Variants in DOCK9 observed in about 807,000 individuals in gnomAD.
DOCK9 encodes the protein dedicator of cytokinesis 9.
DOCK9 carries 89 observed loss-of-function variants against 263.3 expected under a neutral mutation model. The ratio of observed to expected loss-of-function variants is 0.34; its 90% CI spans 0.28 to 0.40. The LOEUF is 0.40. Ranked by LOEUF, DOCK9 falls within the 10% of genes least tolerant of loss-of-function variation. DOCK9 has a pLI of 1.00. For synonymous variants in DOCK9, 976 were observed against 973.1 expected, an observed-to-expected ratio of 1.00 and a Z score of -0.06; for missense variants, 2,140 against 2,603.4, an observed-to-expected ratio of 0.82 and a Z score of 3.87.
At chr13:98,903,357 G>A (rs1464266166) in intron 10 of DOCK9, among the ~76,000 whole-genome samples, 1 of 152,110 alleles carries the variant, frequency 6.6e-6, no homozygotes, top group Non-Finnish European at 1.5e-5. Flanking sequence ...ACTTTGGGAG[G>A]CCGAGGCTGG....
chr13:98,973,334 T>A (rs1360525366), intron 1 of DOCK9, among the ~76,000 whole-genome samples: 1 of 152,144 alleles, frequency 6.6e-6, no homozygotes, highest in Admixed American at 6.5e-5. Flanking sequence ...AAACAGAACT[T>A]CAGGGATAGG....
intron 1 of DOCK9, among the ~76,000 whole-genome samples, chr13:99,046,331 C>T (rs1282491360): frequency 6.6e-6 from 1 of 152,190 alleles, no homozygotes; most frequent in African/African-American, 2.4e-5. Flanking sequence ...GTAGGAGGAT[C>T]CTTAACTCCA....
intron 45 of DOCK9, among the ~76,000 whole-genome samples, chr13:98,811,304 A>AT (rs1196906992): frequency 6.6e-6 from 1 of 151,796 alleles, no homozygotes; most frequent in African/African-American, 2.4e-5. Context: ...TCTTTTGCTC[A>AT]TTTTTCTACT....
intron 45 of DOCK9, among the ~76,000 whole-genome samples, chr13:98,822,336 AAT>A (rs1436041109): frequency 6.6e-6 from 1 of 152,212 alleles, no homozygotes; most frequent in African/African-American, 2.4e-5. Flanking sequence ...GCTCTAACAT[AAT>A]AACTATCTCA....
intron 21 of DOCK9, among the ~76,000 whole-genome samples, chr13:98,884,128 G>T (rs1265182370): frequency 6.6e-6 from 1 of 152,156 alleles, no homozygotes; most frequent in Non-Finnish European, 1.5e-5. Flanking sequence ...TATCTTTTCT[G>T]TTTCTTTGCA....
chr13:98,888,626 A>G lies in DOCK9; in HGVS notation c.1789+6T>C. ...ATTCTGTCTATTATGTAGAACTGAC[A>G]CTTACTAGGGAAGTCTGAGGAAACA... On this transcript the variant is annotated splice_donor_region_variant and intron_variant, in intron 16 of 52. Coordinates refer to ENST00000682017, the MANE Select transcript of DOCK9 (RefSeq NM_001366683.2). 1 of 1,613,648 alleles carries G rather than the reference A, an allele frequency of 6.2e-7. No individual in the cohort carries two copies. The highest frequency in any genetic ancestry group is 1.7e-4 in the Middle Eastern group (1 of 6,060).
In DOCK9 at chr13:99,083,270, G is replaced by T. The variant is rs79910427; in HGVS notation, c.129+2953C>A. Among the ~76,000 whole-genome samples, 202 of 150,714 alleles carry T rather than the reference G, an allele frequency of 1.3e-3. 1 individual carries two copies. Among genetic ancestry groups the T allele is most frequent in the African/African-American group, 4.7e-3 (192 of 41,082 alleles). The stretch of plus-strand genomic sequence containing the variant: ...ACTCCATCTCAGAAAAAAAAAAAAA[G>T]AATTCTAAGGCTCATGAAAGAGCTA... On this transcript the variant is annotated intron_variant, in intron 1 of 32. Coordinates refer to the DOCK9 transcript ENST00000427887.
intron 43 of DOCK9, among the ~76,000 whole-genome samples, chr13:98,828,337 C>CT (rs774539224): frequency 6.6e-6 from 1 of 152,032 alleles, no homozygotes. Flanking sequence ...TTCTTCCTTT[C>CT]TTTTTTTGAG....
intron 1 of DOCK9, among the ~76,000 whole-genome samples, chr13:99,002,768 T>C (rs1882611129): frequency 2.0e-5 from 3 of 152,138 alleles, no homozygotes; most frequent in African/African-American, 7.2e-5. Flanking sequence ...CAGGACTCTG[T>C]GGTATGGAGG....
intron 1 of DOCK9, among the ~76,000 whole-genome samples, chr13:99,075,617 A>G (rs969754084): frequency 7.2e-5 from 11 of 151,770 alleles, no homozygotes; most frequent in African/African-American, 1.9e-4. Flanking sequence ...GCCCCACCTC[A>G]GCCTCCCAAA....
At chr13:98,954,863 T>TACACAC (rs71719426) in intron 2 of DOCK9, among the ~76,000 whole-genome samples, 2,734 of 146,514 alleles carry the variant, frequency 0.019, 31 homozygotes, top group South Asian at 0.022. Context: ...TTATTCAAGA[T>TACACAC]ACACACACAC....
At chr13:99,065,573 G>A (rs925190925) in intron 1 of DOCK9, among the ~76,000 whole-genome samples, 4 of 152,130 alleles carry the variant, frequency 2.6e-5, no homozygotes, top group African/African-American at 9.7e-5. Context: ...TGTTTCCCAA[G>A]TACACGCCAT....
At chr13:98,978,230 C>T (rs1944923501), upstream of DOCK9, 1 of 686,874 alleles carries the variant, frequency 1.5e-6, no homozygotes, top group African/African-American at 1.8e-5. Flanking sequence ...GTCTGTTCCA[C>T]ACAGCGTGGG....
At position 98,825,766 on chromosome 13, in the gene DOCK9, G is replaced by A. The variant is rs921524278; in HGVS notation, c.5023+1064C>T. 4.3e-6 allele frequency: 3 copies of A among 692,198 alleles called. No homozygotes were observed. The highest frequency in any genetic ancestry group is 6.7e-6 in the Non-Finnish European group (3 of 449,446). 42.9% of individuals were successfully genotyped at this position (692,198 alleles called of 1,614,324 possible). ...AGAGCCACAGAGTAGGAGGGAAGGA[G>A]AGTGAAGTCTGTCCATGCAAAGTTA... On this transcript the variant is annotated intron_variant, in intron 44 of 52. Coordinates refer to ENST00000682017, the MANE Select transcript of DOCK9 (RefSeq NM_001366683.2). This position sits in a 1 kb window ranked among gnomAD's most constrained non-coding sequence, Gnocchi z 4.1.
rs76787925 is a variant in DOCK9 at position 98,838,263 on chromosome 13, T to C, written c.4199-654A>G. On this transcript the variant is annotated intron_variant, in intron 38 of 52. Transcript: ENST00000682017. ...TTTATAACCTCAGCTGCCTCATCTG[T>C]AGAATGGGGATAATACAGTATCTAC... Among the ~76,000 whole-genome samples the C allele has an allele frequency of 3.8e-4, 58 of 152,290 alleles. No homozygotes were observed. The East Asian group carries it at 9.3e-3, about 24-fold the overall frequency.
At chr13:99,027,069 G>A (rs1389892867) in intron 1 of DOCK9, among the ~76,000 whole-genome samples, 2 of 152,122 alleles carry the variant, frequency 1.3e-5, no homozygotes, top group Non-Finnish European at 1.5e-5. Flanking sequence ...GCCCAGGCTG[G>A]AGTGTAGTGC....
At chr13:99,086,304 G>A in exon 1 of DOCK9, 15 of 1,485,360 alleles carry the variant, frequency 1.0e-5, no homozygotes, top group South Asian at 3.8e-5. Flanking sequence ...GCGCCCGGGT[G>A]AACTTCCGAG....
chr13:99,076,807 G>A (rs528392768), intron 1 of DOCK9, among the ~76,000 whole-genome samples: 3 of 152,122 alleles, frequency 2.0e-5, no homozygotes, highest in South Asian at 2.1e-4. Flanking sequence ...CGAAAACCAC[G>A]GTGAACCAAC....
At chr13:99,061,140 T>C (rs1052001114) in intron 1 of DOCK9, among the ~76,000 whole-genome samples, 2 of 152,212 alleles carry the variant, frequency 1.3e-5, no homozygotes, top group Non-Finnish European at 2.9e-5. Flanking sequence ...TACTGACAGC[T>C]GCTCTATAAA....
Sources: gnomAD v4.1 joint callset for allele counts (sites outside exome capture counted in the v4.1 genomes callset) on GRCh38, gnomAD v4.1.1 for gene constraint, Gnocchi (gnomAD v3.1) non-coding constraint, MANE v1.5 for transcripts, NCBI Gene and HGNC (gene_info 2026-07-23, HGNC 2026-07-21) for gene names.